Variants in PUM1 observed in about 807,000 individuals in gnomAD.
PUM1 encodes the protein pumilio homolog 1.
A neutral mutation model predicts 131.8 loss-of-function variants in PUM1; 13 were observed. The observed-to-expected ratio is 0.10, with a 90% CI of 0.06 to 0.16. The LOEUF is 0.16. Among genes scored for constraint, PUM1 ranks in the 10% least tolerant of loss-of-function variants. The pLI, the probability that PUM1 is intolerant of heterozygous loss-of-function variation, is 1.00. For missense variants in PUM1, 961 were observed against 1,512.4 expected (o/e 0.64, Z 6.05); for synonymous variants, 509 against 556.5 (o/e 0.91, Z 1.20).
At chr1:30,993,267 T>A (rs1641860508) in intron 6 of PUM1, among the ~76,000 whole-genome samples, 1 of 150,556 alleles carries the variant, frequency 6.6e-6, no homozygotes, top group Non-Finnish European at 1.5e-5. Context: ...ATGCCCCTGT[T>A]AAGGAGACAA....
chr1:31,040,883 G>A (rs187528692), intron 2 of PUM1, among the ~76,000 whole-genome samples: 54 of 152,300 alleles, frequency 3.5e-4, no homozygotes, highest in Admixed American at 3.5e-3. Context: ...ACACGAGTGC[G>A]TGAGCAAAAG....
At chr1:31,039,376 C>A (rs1452980255) in intron 2 of PUM1, among the ~76,000 whole-genome samples, 2 of 151,742 alleles carry the variant, frequency 1.3e-5, no homozygotes, top group Non-Finnish European at 2.9e-5. Flanking sequence ...GCGCCTGATA[C>A]CACACCCGGC....
intron 5 of PUM1, among the ~76,000 whole-genome samples, chr1:30,999,649 T>A (rs1472660714): frequency 7.9e-6 from 1 of 126,888 alleles, no homozygotes; most frequent in Non-Finnish European, 1.6e-5. Context: ...AAAAAGGTGC[T>A]GAACCAGGGT....
At chr1:31,014,662 G>A (rs746936206) in intron 3 of PUM1, among the ~76,000 whole-genome samples, 2 of 151,786 alleles carry the variant, frequency 1.3e-5, no homozygotes, top group African/African-American at 2.4e-5. Flanking sequence ...GTGGCCAGGC[G>A]CCTATAATCC....
chr1:31,033,519 A>G (rs1643509787), intron 2 of PUM1, among the ~76,000 whole-genome samples: 1 of 150,598 alleles, frequency 6.6e-6, no homozygotes, highest in African/African-American at 2.4e-5. Flanking sequence ...CAGCCTCCCG[A>G]GTATCCAGCT....
intron 3 of PUM1, among the ~76,000 whole-genome samples, chr1:31,019,951 T>C (rs903791566): frequency 2.0e-5 from 3 of 152,162 alleles, no homozygotes; most frequent in Non-Finnish European, 4.4e-5. Context: ...GCAGGTTTGT[T>C]ACATGGCTAT....
chr1:31,049,724 G>C (rs1025423398), intron 2 of PUM1, among the ~76,000 whole-genome samples: 12 of 151,076 alleles, frequency 7.9e-5, no homozygotes, highest in African/African-American at 2.9e-4. Context: ...AATTAAACAA[G>C]GTAAAGATAC....
chr1:30,957,438 C>G lies in PUM1; in HGVS notation c.2324-3457G>C, dbSNP rs141452942. Among the ~76,000 whole-genome samples, 586 of 152,186 alleles carry G rather than the reference C, an allele frequency of 3.9e-3. 3 individuals carry two copies. Among genetic ancestry groups the G allele is most frequent in the Non-Finnish European group, 6.2e-3 (423 of 68,008 alleles). On this transcript the variant is annotated intron_variant, in intron 14 of 21. Transcript: ENST00000426105. ...TCTGAATACCAACATGTACTTGCAC[C>G]CAAACCACTATAGCTCTGGGGGTTT...
intron 2 of PUM1, chr1:31,036,613 T>C (rs1372600502): frequency 6.6e-6 from 1 of 152,212 alleles, no homozygotes; most frequent in African/African-American, 2.4e-5. Flanking sequence ...AAAAATGGGA[T>C]TGGACAGCAG....
chr1:31,018,994 G>A (rs1000956092), intron 3 of PUM1, among the ~76,000 whole-genome samples: 3 of 152,242 alleles, frequency 2.0e-5, no homozygotes, highest in African/African-American at 4.8e-5. Context: ...TCTATAGGCT[G>A]CTGGGCGACA....
At chr1:30,951,556 G>A (rs948672335) in intron 16 of PUM1, among the ~76,000 whole-genome samples, 1 of 152,056 alleles carries the variant, frequency 6.6e-6, no homozygotes, top group African/African-American at 2.4e-5. Flanking sequence ...GAAGTTTTGT[G>A]CCATTCTGCA....
intron 6 of PUM1, among the ~76,000 whole-genome samples, 187 bp downstream of exon 6, chr1:30,994,867 G>A (rs545911742): frequency 6.6e-6 from 1 of 152,300 alleles, no homozygotes; most frequent in South Asian, 2.1e-4. Flanking sequence ...TTCAGGCATT[G>A]ACACCTTTTA....
Position 30,974,871 on chromosome 1 carries a change from A to C in PUM1, c.1355-69T>G, listed in dbSNP as rs529462744. Reference sequence around the variant, plus strand: ...GGCTCATCTCAGCCTTTCCAAAATTACATCTGACTCAATAGATCCTACTGT... The same window carrying C: ...GGCTCATCTCAGCCTTTCCAAAATTCCATCTGACTCAATAGATCCTACTGT... On this transcript the variant is annotated intron_variant, in intron 9 of 21. Transcript: ENST00000426105. The C allele has an allele frequency of 4.8e-6, 6 of 1,256,168 alleles. No individual in the cohort carries two copies. The East Asian group carries it at 1.4e-4, about 30-fold the overall frequency. 77.8% of individuals were successfully genotyped at this position (1,256,168 alleles called of 1,614,324 possible). A position where few individuals can be genotyped will look rare whatever the true frequency, so the allele number is the denominator to read the frequency against.
chr1:30,978,600 C>T (rs1024723052), intron 9 of PUM1, among the ~76,000 whole-genome samples: 5 of 152,194 alleles, frequency 3.3e-5, no homozygotes, highest in Non-Finnish European at 7.3e-5. Flanking sequence ...AGTAAAATTT[C>T]GAAGTAATAT....
intron 12 of PUM1, chr1:30,966,479 T>G: frequency 1.8e-6 from 1 of 554,140 alleles, no homozygotes; most frequent in Non-Finnish European, 3.1e-6. Context: ...AAAATACCAC[T>G]AGAACAAGTT....
chr1:31,041,365 T>G (rs1178325691), intron 2 of PUM1, among the ~76,000 whole-genome samples: 1 of 148,992 alleles, frequency 6.7e-6, no homozygotes, highest in African/African-American at 2.4e-5. Flanking sequence ...GCATGAGCCA[T>G]CACGGCCAGT....
intron 14 of PUM1, among the ~76,000 whole-genome samples, chr1:30,955,391 G>A (rs537242334): frequency 2.5e-4 from 37 of 150,890 alleles, no homozygotes; most frequent in African/African-American, 6.8e-4. Context: ...GGCGAACCCC[G>A]GAGGCAGGGC....
At chr1:31,017,392 T>A (rs567049513) in intron 3 of PUM1, among the ~76,000 whole-genome samples, 5 of 152,294 alleles carry the variant, frequency 3.3e-5, no homozygotes, top group East Asian at 3.9e-4. Context: ...TCAAGAAGTA[T>A]CTTAAAGAAG....
chr1:30,963,917 A>G (rs546339617), intron 14 of PUM1, among the ~76,000 whole-genome samples: 15 of 152,208 alleles, frequency 9.9e-5, no homozygotes, highest in Non-Finnish European at 1.8e-4. Flanking sequence ...AACTTAATAC[A>G]TAACTGCGGG....
Sources: gnomAD v4.1 joint callset for allele counts (sites outside exome capture counted in the v4.1 genomes callset) on GRCh38, gnomAD v4.1.1 for gene constraint, MANE v1.5 for transcripts, NCBI Gene and HGNC (gene_info 2026-07-23, HGNC 2026-07-21) for gene names.